The following ZNF385D variants were observed in gnomAD, a reference collection of about 807,000 sequenced individuals.
The protein encoded by ZNF385D is zinc finger protein 659.
A neutral mutation model predicts 35.8 loss-of-function variants in ZNF385D; 15 were observed. The observed-to-expected ratio is 0.42, with a 90% CI of 0.28 to 0.64. ZNF385D has a LOEUF of 0.64. ZNF385D is among the 30% of genes least tolerant of loss of function. The pLI is 0.23. For missense variants in ZNF385D, 474 were observed against 494.6 expected (o/e 0.96, Z 0.39); for synonymous variants, 212 against 186.8 (o/e 1.13, Z -1.10).
intron 2 of ZNF385D, among the ~76,000 whole-genome samples, chr3:22,195,539 TAA>T (rs1696355623): frequency 1.3e-5 from 2 of 152,056 alleles, no homozygotes; most frequent in Admixed American, 1.3e-4. Flanking sequence ...TATGTTCTAC[TAA>T]AAGTTTTATA....
intron 3 of ZNF385D, among the ~76,000 whole-genome samples, chr3:21,964,327 A>T (rs183439520): frequency 3.5e-4 from 53 of 150,752 alleles, no homozygotes; most frequent in African/African-American, 9.2e-4. Flanking sequence ...ATGGAAAAAA[A>T]AAGAAAGAAA....
At chr3:21,649,234 A>C (rs2125210344) in intron 2 of ZNF385D, among the ~76,000 whole-genome samples, 1 of 152,312 alleles carries the variant, frequency 6.6e-6, no homozygotes, top group South Asian at 2.1e-4. Context: ...TTTATAACTT[A>C]AAAGTATGTG....
intron 2 of ZNF385D, among the ~76,000 whole-genome samples, chr3:22,206,850 C>G (rs901194863): frequency 3.3e-5 from 5 of 151,716 alleles, no homozygotes; most frequent in African/African-American, 1.2e-4. Context: ...CCTGATAATG[C>G]ACCTTAAAGT....
chr3:22,138,655 C>T lies in ZNF385D; in HGVS notation c.325+30162G>A, dbSNP rs111255008. ...CTGGATCCCTTCCTTACACCTTAGA[C>T]AAAAATTAATTCAAGATGGATAAAA... On this transcript the variant is annotated intron_variant, in intron 3 of 5. Transcript: ENST00000494108. Among the ~76,000 whole-genome samples, 374 of 152,076 alleles carry T rather than the reference C, an allele frequency of 2.5e-3. 2 individuals carry two copies. Among genetic ancestry groups the T allele is most frequent in the African/African-American group, 8.7e-3 (362 of 41,476 alleles).
chr3:22,346,248 A>C (rs1695654172), intron 2 of ZNF385D, among the ~76,000 whole-genome samples: 1 of 151,466 alleles, frequency 6.6e-6, no homozygotes, highest in African/African-American at 2.5e-5. Flanking sequence ...TCAAAGGAAT[A>C]GACGTTTTTC....
At chr3:22,067,175 T>C (rs1197924679) in intron 3 of ZNF385D, among the ~76,000 whole-genome samples, 1 of 152,252 alleles carries the variant, frequency 6.6e-6, no homozygotes, top group African/African-American at 2.4e-5. Flanking sequence ...CTCTGTTTTA[T>C]TCATCACACT....
chr3:21,543,945 A>C (rs2062280480), intron 3 of ZNF385D, among the ~76,000 whole-genome samples: 1 of 152,016 alleles, frequency 6.6e-6, no homozygotes, highest in Non-Finnish European at 1.5e-5. Flanking sequence ...TGATATCTGC[A>C]TGTTTTCCTA....
At chr3:22,121,098 A>G (rs1343238554) in intron 3 of ZNF385D, among the ~76,000 whole-genome samples, 4 of 152,190 alleles carry the variant, frequency 2.6e-5, no homozygotes, top group African/African-American at 9.6e-5. Context: ...ACTGTGAATT[A>G]TGTTTCTCTA....
At chr3:21,753,542 G>A (rs1455257656), upstream of ZNF385D, among the ~76,000 whole-genome samples, 1 of 152,076 alleles carries the variant, frequency 6.6e-6, no homozygotes, top group Non-Finnish European at 1.5e-5. Context: ...TCTATACAAT[G>A]TAATTCTGTT....
chr3:22,160,902 C>T (rs1001358327), intron 3 of ZNF385D, among the ~76,000 whole-genome samples: 11 of 152,092 alleles, frequency 7.2e-5, no homozygotes, highest in African/African-American at 2.2e-4. Context: ...ATGTTGAGCA[C>T]ATGAAACTGA....
chr3:22,298,192 A>T (rs1028883185), intron 2 of ZNF385D, among the ~76,000 whole-genome samples: 4 of 151,950 alleles, frequency 2.6e-5, no homozygotes, highest in Non-Finnish European at 5.9e-5. Context: ...AAGGTTGCTA[A>T]GAATTTCAAA....
At chr3:21,526,912 A>G (rs1708262261) in intron 3 of ZNF385D, among the ~76,000 whole-genome samples, 1 of 152,188 alleles carries the variant, frequency 6.6e-6, no homozygotes, top group African/African-American at 2.4e-5. Flanking sequence ...AGGTATTTCC[A>G]TATTATAAGT....
At chr3:22,253,526 G>A (rs1700165478) in intron 2 of ZNF385D, among the ~76,000 whole-genome samples, 1 of 151,862 alleles carries the variant, frequency 6.6e-6, no homozygotes, top group African/African-American at 2.4e-5. Flanking sequence ...TGATGCTGAT[G>A]GTGATAAATA....
At chr3:21,716,931 G>A (rs1284065621) in intron 1 of ZNF385D, among the ~76,000 whole-genome samples, 1 of 152,004 alleles carries the variant, frequency 6.6e-6, no homozygotes, top group African/African-American at 2.4e-5. Flanking sequence ...AGACCATCCT[G>A]GCCAACATGG....
intron 4 of ZNF385D, among the ~76,000 whole-genome samples, chr3:21,484,391 C>G (rs1455051802): frequency 1.3e-5 from 2 of 152,184 alleles, no homozygotes; most frequent in African/African-American, 4.8e-5. Flanking sequence ...GGACACCATG[C>G]ACTGCACAAG....
At chr3:21,685,919 C>A (rs1427313877) in intron 1 of ZNF385D, among the ~76,000 whole-genome samples, 1 of 152,000 alleles carries the variant, frequency 6.6e-6, no homozygotes, top group Non-Finnish European at 1.5e-5. Flanking sequence ...TCAACTGAGA[C>A]AATCAGAGCA....
At chr3:21,938,975 C>A (rs887148754) in intron 3 of ZNF385D, among the ~76,000 whole-genome samples, 2 of 152,152 alleles carry the variant, frequency 1.3e-5, no homozygotes, top group Non-Finnish European at 2.9e-5. Context: ...GTTCAAGGCC[C>A]ATCTTTTGTG....
chr3:21,806,483 G>C (rs2072654133), intron 3 of ZNF385D, among the ~76,000 whole-genome samples: 1 of 152,014 alleles, frequency 6.6e-6, no homozygotes, highest in Non-Finnish European at 1.5e-5. Flanking sequence ...GGGATTACAG[G>C]CGTGAGCCAC....
chr3:22,285,682 C>T (rs1238344236), intron 2 of ZNF385D, among the ~76,000 whole-genome samples: 1 of 152,070 alleles, frequency 6.6e-6, no homozygotes, highest in African/African-American at 2.4e-5. Flanking sequence ...TCCCTCCCCC[C>T]TCTCCCCACC....
Sources: allele counts gnomAD v4.1 joint callset (sites outside exome capture counted in the v4.1 genomes callset), GRCh38; gene constraint gnomAD v4.1.1; transcripts MANE v1.5; gene names NCBI Gene and HGNC (gene_info 2026-07-23, HGNC 2026-07-21).